POLR2C: variants seen among roughly 807,000 people sequenced by gnomAD.
The protein encoded by POLR2C is RNA polymerase II subunit C.
In POLR2C, 36 loss-of-function variants were observed where a neutral mutation model predicts 41.7. The observed-to-expected ratio is 0.86, with a 90% CI of 0.66 to 1.14. The LOEUF (loss-of-function observed/expected upper bound fraction) is 1.14. Among genes scored for constraint, POLR2C ranks in the 50% most tolerant of loss-of-function variants. The probability of loss-of-function intolerance (pLI) is 0.00; values close to 1 mark genes in which losing one functional copy is unlikely to be tolerated. For synonymous variants in POLR2C, 133 were observed against 137.8 expected (o/e 0.96, Z 0.25); for missense variants, 260 against 350.4 (o/e 0.74, Z 2.06).
intron 4 of POLR2C, among the ~76,000 whole-genome samples, chr16:57,468,179 T>C (rs2030752341): frequency 6.6e-6 from 1 of 152,120 alleles, no homozygotes. Context: ...ACCCAAAAAA[T>C]ACAATTTTTT....
chr16:57,466,849 G>C (rs916810815), intron 4 of POLR2C, among the ~76,000 whole-genome samples: 2 of 152,108 alleles, frequency 1.3e-5, no homozygotes, highest in African/African-American at 4.8e-5. Context: ...GGGTGATCCA[G>C]AATCAGTCCA....
In POLR2C at chr16:57,471,172, T is replaced by A; in HGVS notation, c.*53T>A. Reference sequence around the variant, plus strand: ...GGAGATTCAGGCCAGCAGCTGGATATGGGGGTCTCTCTTCAGACTCTTCTC... The same window carrying A: ...GGAGATTCAGGCCAGCAGCTGGATAAGGGGGTCTCTCTTCAGACTCTTCTC... On this transcript the variant is annotated 3_prime_UTR_variant, in exon 9 of 9. Transcript: ENST00000219252. 2 of 1,510,122 alleles carry A rather than the reference T, an allele frequency of 1.3e-6. No individual in the cohort carries two copies. The highest frequency in any genetic ancestry group is 1.8e-6 in the Non-Finnish European group (2 of 1,088,024). The allele number at this position is 1,510,122 out of a possible 1,614,324, so 93.5% of individuals were successfully genotyped here.
chr16:57,465,279 C>T (rs749238099), intron 2 of POLR2C, among the ~76,000 whole-genome samples: 2 of 152,062 alleles, frequency 1.3e-5, no homozygotes, highest in Admixed American at 1.3e-4. Context: ...CTGTGTCCCT[C>T]GTTTGGCAGT....
At position 57,469,258 on chromosome 16, in the gene POLR2C, C is replaced by T. The variant is rs2146603183; in HGVS notation, c.352C>T (p.Arg118Ter). 6.2e-6 allele frequency: 10 copies of T among 1,614,140 alleles called. No homozygotes were observed. Among genetic ancestry groups the T allele is most frequent in the South Asian group, 1.1e-5 (1 of 91,076 alleles). ...AGACCAGACGCGACATGTCACGTCT[C>T]GAGACCTCATCTCCAACAGCCCCCG... is the stretch of plus-strand genomic sequence containing the variant. The part of the protein sequence containing the change: ...NEDQTRHVTS[R>*]DLISNSPRVI... The change falls in exon 5 of 9, where the codon CGA becomes TGA. Residue 118 changes from arginine (R) to a stop codon, truncating the protein, a stop_gained. Coordinates refer to ENST00000219252, the MANE Select transcript of POLR2C (RefSeq NM_032940.3). LOFTEE classifies it high-confidence loss of function. This position sits in a 1 kb window ranked among gnomAD's most constrained non-coding sequence, Gnocchi z 5.8.
In POLR2C at chr16:57,466,193, G is replaced by A; in HGVS notation, c.224G>A (p.Ser75Asn). The change falls in exon 4 of 9, where the codon AGT (serine) becomes AAT (asparagine). Residue 75 changes from serine (S) to asparagine (N), a missense_variant. By Grantham distance (46) the Ser-to-Asn change is conservative. Coordinates refer to ENST00000219252, the MANE Select transcript of POLR2C (RefSeq NM_032940.3). ...AHRLGLIPLISDDIVDKLQYS... is the reference protein window; with the variant it reads ...AHRLGLIPLINDDIVDKLQYS... ...TTTACAGGATTAATTCCCCTCATTAGTGATGACATTGTGGACAAGCTGCAG... is the reference window on the plus strand; with the variant it reads ...TTTACAGGATTAATTCCCCTCATTAATGATGACATTGTGGACAAGCTGCAG... 1 of 1,602,232 alleles carries A rather than the reference G, an allele frequency of 6.2e-7. No homozygotes were observed. The highest frequency in any genetic ancestry group is 8.5e-7 in the Non-Finnish European group (1 of 1,174,550).
intron 8 of POLR2C, 108 bp from the exon 9 acceptor site, chr16:57,470,867 C>G (rs1428169524): frequency 1.0e-5 from 11 of 1,086,244 alleles, no homozygotes; most frequent in South Asian, 1.4e-5. Context: ...AGGTCAAGTT[C>G]CATGTGGGAA....
At chr16:57,470,419 T>C in intron 8 of POLR2C, 65 bp downstream of exon 8, 1 of 1,219,790 alleles carries the variant, frequency 8.2e-7, no homozygotes, top group East Asian at 2.5e-5. Flanking sequence ...GTTCAGGCCG[T>C]GAGTTAGGCA....
Position 57,466,028 on chromosome 16 carries a change from A to G in POLR2C, c.205+7A>G, listed in dbSNP as rs1486446947. 1 of 1,559,988 alleles carries G rather than the reference A, an allele frequency of 6.4e-7. No homozygotes were observed. The highest frequency in any genetic ancestry group is 8.8e-7 in the Non-Finnish European group (1 of 1,131,920). On this transcript the variant is annotated splice_region_variant and intron_variant, in intron 3 of 8. Coordinates refer to ENST00000219252, the MANE Select transcript of POLR2C (RefSeq NM_032940.3). ...TTCATTGCTCACAGGCTTGGTGAGT[A>G]CTCCTTTTACTAGGAGGTTAAAGGG...
At position 57,469,182 on chromosome 16, in the gene POLR2C, G is replaced by C; in HGVS notation, c.276G>C (p.Glu92Asp). The change falls in exon 5 of 9, where the codon GAG becomes GAC. Residue 92 changes from glutamate to aspartate, a missense_variant. By Grantham distance (45) the Glu-to-Asp change is conservative. Coordinates refer to ENST00000219252, the MANE Select transcript of POLR2C (RefSeq NM_032940.3). This position sits in a 1 kb window ranked among gnomAD's most constrained non-coding sequence, Gnocchi z 5.8. ...LQYSRDCTCE[E>D]FCPECSVEFT... ...TGCCTTAGGACTGCACATGTGAGGA[G>C]TTCTGCCCCGAGTGCTCGGTGGAGT... 1 of 1,614,172 alleles carries C rather than the reference G, an allele frequency of 6.2e-7. No individual in the cohort carries two copies. The highest frequency in any genetic ancestry group is 8.5e-7 in the Non-Finnish European group (1 of 1,180,024).
intron 4 of POLR2C, among the ~76,000 whole-genome samples, chr16:57,467,264 A>G (rs113701677): frequency 1.3e-5 from 2 of 152,260 alleles, no homozygotes. Context: ...ACAGAAAAGC[A>G]TGGAGCTAGT....
In POLR2C at chr16:57,471,197, C is replaced by T. The variant is rs919083797; in HGVS notation, c.*78C>T. ...TGGGGGTCTCTCTTCAGACTCTTCT[C>T]GTTTCTGAGAATCTAGTCTACTGTT... On this transcript the variant is annotated 3_prime_UTR_variant, in exon 9 of 9. Coordinates refer to ENST00000219252, the MANE Select transcript of POLR2C (RefSeq NM_032940.3). 3.2e-5 allele frequency: 40 copies of T among 1,253,574 alleles called. No homozygotes were observed. The highest frequency in any genetic ancestry group is 2.5e-4 in the African/African-American group (17 of 67,998). The allele number at this position is 1,253,574 out of a possible 1,614,324, so 77.7% of individuals were successfully genotyped here.
Position 57,470,268 on chromosome 16 carries a change from G to C in POLR2C, c.609-12G>C. 2 of 1,612,978 alleles carry C rather than the reference G, an allele frequency of 1.2e-6. No homozygotes were observed. The highest frequency in any genetic ancestry group is 1.7e-6 in the Non-Finnish European group (2 of 1,179,248). ...CAGTGGCAACCTTGTGCTGACCTGTGTTTGACCTCAGGCCAAAGAGTGAGT... is the reference window on the plus strand; with the variant it reads ...CAGTGGCAACCTTGTGCTGACCTGTCTTTGACCTCAGGCCAAAGAGTGAGT... On this transcript the variant is annotated splice_polypyrimidine_tract_variant and intron_variant, in intron 7 of 8. Transcript: ENST00000219252.
chr16:57,467,522 C>A (rs1304742243), intron 4 of POLR2C, among the ~76,000 whole-genome samples: 1 of 148,486 alleles, frequency 6.7e-6, no homozygotes, highest in Non-Finnish European at 1.5e-5. Context: ...CATGGTCTGT[C>A]TCTCTCTCTC....
chr16:57,467,583 CCTTTA>C (rs1474629523), intron 4 of POLR2C, among the ~76,000 whole-genome samples: 51 of 152,150 alleles, frequency 3.4e-4, no homozygotes, highest in African/African-American at 1.1e-3. Flanking sequence ...AAAATAATAC[CCTTTA>C]CTTTTCACCT....
chr16:57,466,017 G>C lies in POLR2C; in HGVS notation c.201G>C (p.Arg67Ser). The change falls in exon 3 of 9, where the codon AGG becomes AGC. Residue 67 changes from arginine (R) to serine (S), a missense_variant. Transcript: ENST00000219252. ...TTCATGATGAATTCATTGCTCACAGGCTTGGTGAGTACTCCTTTTACTAGG... is the reference window on the plus strand; with the variant it reads ...TTCATGATGAATTCATTGCTCACAGCCTTGGTGAGTACTCCTTTTACTAGG... ...SVLHDEFIAHRLGLIPLISDD... is the reference protein window; with the variant it reads ...SVLHDEFIAHSLGLIPLISDD... The C allele has an allele frequency of 6.3e-7, 1 of 1,587,572 alleles. No homozygotes were observed. Among genetic ancestry groups the C allele is most frequent in the Middle Eastern group, 1.7e-4 (1 of 6,000 alleles).
In POLR2C at chr16:57,469,590, C is replaced by CCT. The variant is rs1182435391; in HGVS notation, c.388-118_388-117dup. The CCT allele has an allele frequency of 5.6e-6, 5 of 896,284 alleles. No homozygotes were observed. In the African/African-American group the frequency reaches 8.2e-5, roughly 15 times the overall value. 55.5% of individuals were successfully genotyped at this position (896,284 alleles called of 1,614,324 possible). A position where few individuals can be genotyped will look rare whatever the true frequency, so the allele number is the denominator to read the frequency against. On this transcript the variant is annotated intron_variant, in intron 5 of 8. Transcript: ENST00000219252. This position sits in a 1 kb window ranked among gnomAD's most constrained non-coding sequence, Gnocchi z 5.8. ...AGTCCTGGGGGCATCTGTGCCACCA[C>CCT]CTCGTCAGGTGTTCGTTCCCTGGTT...
chr16:57,465,987 A>G lies in POLR2C; in HGVS notation c.171A>G (p.Ser57=), dbSNP rs2146600369. 1.9e-6 allele frequency: 3 copies of G among 1,605,818 alleles called. No individual in the cohort carries two copies. The highest frequency in any genetic ancestry group is 4.5e-5 in the East Asian group (2 of 44,854). The change falls in exon 3 of 9, where the codon TCA becomes TCG. Residue 57 remains serine, a synonymous_variant. Coordinates refer to ENST00000219252, the MANE Select transcript of POLR2C (RefSeq NM_032940.3). ...IDWVQIDANS[S]VLHDEFIAHR... ...GGGTTCAGATTGATGCCAATTCCTC[A>G]GTTCTTCATGATGAATTCATTGCTC...
chr16:57,463,367 AC>A lies in POLR2C; in HGVS notation c.136+290del, dbSNP rs1207773298. ...AAATACTGTTTTCACTACTATTGTTACAAAAGTTTTTAAAATGTTTTCAACT... is the reference window on the plus strand; with the variant it reads ...AAATACTGTTTTCACTACTATTGTTAAAAAGTTTTTAAAATGTTTTCAACT... On this transcript the variant is annotated intron_variant, in intron 2 of 8. Transcript: ENST00000219252. 4 of 556,656 alleles carry A rather than the reference AC, an allele frequency of 7.2e-6. No individual in the cohort carries two copies. In the African/African-American group the frequency reaches 7.6e-5, roughly 11 times the overall value. The allele number at this position is 556,656 out of a possible 1,614,324, so 34.5% of individuals were successfully genotyped here.
At position 57,469,315 on chromosome 16, in the gene POLR2C, CT is replaced by C. The variant is rs746099626; in HGVS notation, c.387+26del. On this transcript the variant is annotated intron_variant, in intron 5 of 8. Coordinates refer to ENST00000219252, the MANE Select transcript of POLR2C (RefSeq NM_032940.3). The surrounding 1 kb of genome is among the most constrained non-coding windows in gnomAD (Gnocchi z 5.8). ...TCCGGTCAGTGCGGGAGAGCATCCTCTTTTCCCTGGGATCTTTTCTCTTCTC... is the reference window on the plus strand; with the variant it reads ...TCCGGTCAGTGCGGGAGAGCATCCTCTTTCCCTGGGATCTTTTCTCTTCTC... The C allele has an allele frequency of 5.0e-5, 80 of 1,611,704 alleles. No individual in the cohort carries two copies. The highest frequency in any genetic ancestry group is 1.8e-4 in the South Asian group (16 of 91,046).
Sources: allele counts gnomAD v4.1 joint callset (sites outside exome capture counted in the v4.1 genomes callset), GRCh38; gene constraint gnomAD v4.1.1; non-coding constraint Gnocchi (gnomAD v3.1); transcripts MANE v1.5; gene names NCBI Gene and HGNC (gene_info 2026-07-23, HGNC 2026-07-21).